UBAP2: variants seen among roughly 807,000 people sequenced by gnomAD.
UBAP2 encodes the protein ubiquitin associated protein 2, also known as ubiquitin-associated protein 2.
Under a neutral mutation model 139.6 loss-of-function variants are expected in UBAP2, and 75 were observed. The ratio of observed to expected loss-of-function variants is 0.54; its 90% confidence interval spans 0.45 to 0.65. UBAP2 has a LOEUF of 0.65. Among genes scored for constraint, UBAP2 ranks in the 30% least tolerant of loss-of-function variants. The pLI is 0.00. For missense variants in UBAP2, 1,368 were observed against 1,369.6 expected, an observed-to-expected ratio of 1.00 and a Z score of 0.02; for synonymous variants, 526 against 526.2, an observed-to-expected ratio of 1.00 and a Z score of 0.01.
rs183497245 is a variant in UBAP2 at position 33,962,934 on chromosome 9, G to T, written c.745+792C>A. On this transcript the variant is annotated intron_variant, in intron 9 of 28. Coordinates refer to ENST00000379238, the MANE Select transcript of UBAP2 (RefSeq NM_001370062.2). ...GTGGAGGTTGCAGTGAGCCGAGATC[G>T]CACCATTGCACTCCAGCCTGGGCAA... Among the ~76,000 whole-genome samples the T allele has an allele frequency of 4.0e-3, 595 of 150,506 alleles. 2 individuals are homozygous for T. The highest frequency in any genetic ancestry group is 0.014 in the African/African-American group (576 of 41,200).
At chr9:33,938,795 CAA>C (rs10577457) in intron 16 of UBAP2, 73,880 of 304,768 alleles carry the variant, frequency 0.24, 1,993 homozygotes, top group South Asian at 0.31. Flanking sequence ...GACTCCATCT[CAA>C]AAAAAAAAAA....
chr9:33,952,649 G>A (rs1464495984), intron 12 of UBAP2: 1 of 153,494 alleles, frequency 6.5e-6, no homozygotes, highest in East Asian at 1.9e-4. Flanking sequence ...ACTAACTATA[G>A]AGACATAATA....
chr9:34,011,327 A>G (rs1231383404), intron 2 of UBAP2, among the ~76,000 whole-genome samples: 1 of 152,162 alleles, frequency 6.6e-6, no homozygotes, highest in African/African-American at 2.4e-5. Flanking sequence ...TTTTCAGCTT[A>G]AGTATTATAT....
In UBAP2 at chr9:33,922,211, T is replaced by C; in HGVS notation, c.*293A>G. 1 of 397,736 alleles carries C rather than the reference T, an allele frequency of 2.5e-6. No homozygotes were observed. Among genetic ancestry groups the C allele is most frequent in the South Asian group, 2.6e-5 (1 of 38,268 alleles). 24.6% of individuals were successfully genotyped at this position (397,736 alleles called of 1,614,324 possible). ...GCTGTGAAGAAGACCTGAAGGCAGA[T>C]GGGGTGGGGGTGCTTATTTTGCTAC... On this transcript the variant is annotated 3_prime_UTR_variant, in exon 29 of 29. Transcript: ENST00000379238.
intron 13 of UBAP2, 149 bp from the exon 14 acceptor site, chr9:33,944,788 T>G: frequency 1.0e-6 from 1 of 953,666 alleles, no homozygotes; most frequent in Non-Finnish European, 1.5e-6. Context: ...ACACTTCATT[T>G]ATGATAAACG....
chr9:33,957,558 T>C (rs1826673170), intron 10 of UBAP2, among the ~76,000 whole-genome samples: 1 of 152,246 alleles, frequency 6.6e-6, no homozygotes, highest in Admixed American at 6.5e-5. Context: ...TATTTTGGGA[T>C]ATATGCACAC....
At chr9:33,935,473 C>T (rs1013583745) in intron 17 of UBAP2, 3 of 262,776 alleles carry the variant, frequency 1.1e-5, no homozygotes, top group Non-Finnish European at 2.2e-5. Flanking sequence ...CACCATGTTG[C>T]CCAGGGTGGT....
intron 4 of UBAP2, chr9:33,995,473 A>G (rs1218528442): frequency 7.2e-6 from 1 of 139,390 alleles, no homozygotes; most frequent in Non-Finnish European, 1.5e-5. Context: ...TATTAAATAT[A>G]TAAATATATT....
At position 33,941,704 on chromosome 9, in the gene UBAP2, C is replaced by T. The variant is rs117845042; in HGVS notation, c.1874G>A (p.Arg625Lys). The T allele has an allele frequency of 2.0e-3, 3,241 of 1,614,160 alleles. 70 individuals carry two copies. The Admixed American group carries it at 0.043, about 21-fold the overall frequency. The change falls in exon 16 of 29, where the codon AGG becomes AAG. Residue 625 changes from arginine to lysine, a missense_variant. Coordinates refer to ENST00000379238, the MANE Select transcript of UBAP2 (RefSeq NM_001370062.2). ...SSYDQSSVHNRIPYQSPVSSS... is the reference protein window; with the variant it reads ...SSYDQSSVHNKIPYQSPVSSS... Reference sequence around the variant, plus strand: ...ACTCACAGGGCTTTGGTATGGGATCCTGTTATGCACAGAACTCTGGTCATA... The same window carrying T: ...ACTCACAGGGCTTTGGTATGGGATCTTGTTATGCACAGAACTCTGGTCATA...
At chr9:33,923,068 G>T in intron 26 of UBAP2, 35 bp from the exon 27 acceptor site, 2 of 1,613,902 alleles carry the variant, frequency 1.2e-6, no homozygotes. Context: ...CACAGCAGTT[G>T]TTCCCAGCTC....
rs777870224 is a variant in UBAP2 at position 33,924,261 on chromosome 9, A to G, written c.2535T>C (p.Ala845=). The G allele has an allele frequency of 1.4e-5, 22 of 1,614,062 alleles. No individual in the cohort carries two copies. The Admixed American group carries it at 3.7e-4, about 27-fold the overall frequency. ...LPVDYYGIPF[A]APTALASRDG... The stretch of plus-strand genomic sequence containing the variant: ...CTCGGCTGGCAAGCGCTGTGGGTGC[A>G]GCAAAGGGAATTCCATAGTAGTCCT... The change falls in exon 23 of 29, where the codon GCT becomes GCC. Residue 845 remains alanine, a synonymous_variant. Coordinates refer to ENST00000379238, the MANE Select transcript of UBAP2 (RefSeq NM_001370062.2).
intron 1 of UBAP2, among the ~76,000 whole-genome samples, chr9:34,020,497 G>A (rs1239851245): frequency 6.7e-6 from 1 of 149,782 alleles, no homozygotes; most frequent in African/African-American, 2.5e-5. Flanking sequence ...GCTAATTTTT[G>A]GTATTTTTAG....
intron 19 of UBAP2, among the ~76,000 whole-genome samples, chr9:33,930,669 G>A (rs1162331977): frequency 6.6e-6 from 1 of 152,046 alleles, no homozygotes; most frequent in South Asian, 2.1e-4. Flanking sequence ...AGGCCGAGGC[G>A]GGTGGATTAC....
At chr9:34,041,481 A>AC (rs1827085564) in intron 1 of UBAP2, among the ~76,000 whole-genome samples, 1 of 150,268 alleles carries the variant, frequency 6.7e-6, no homozygotes. Flanking sequence ...AAAAAAAAAA[A>AC]CAAACAAGAG....
chr9:33,997,951 T>A (rs185493416), intron 3 of UBAP2: 1 of 152,320 alleles, frequency 6.6e-6, no homozygotes, highest in Admixed American at 6.5e-5. Context: ...AGGTAGCGGT[T>A]ACAGCTTGGT....
intron 19 of UBAP2, among the ~76,000 whole-genome samples, chr9:33,930,895 CAAAAAAAAAAAA>C (rs57202118): frequency 1.4e-5 from 1 of 73,252 alleles, no homozygotes; most frequent in Non-Finnish European, 2.5e-5. Flanking sequence ...GACTGCATCT[CAAAAAAAAAAAA>C]AAAAAAAAAA....
chr9:33,947,151 T>C (rs1825712873), intron 13 of UBAP2, among the ~76,000 whole-genome samples: 1 of 152,218 alleles, frequency 6.6e-6, no homozygotes, highest in Non-Finnish European at 1.5e-5. Context: ...CTTTGGGCAC[T>C]GAGTCTCTAA....
intron 21 of UBAP2, 122 bp downstream of exon 21, chr9:33,926,867 G>A (rs962151980): frequency 9.5e-7 from 1 of 1,051,426 alleles, no homozygotes; most frequent in Admixed American, 1.9e-5. Context: ...AGAGACGGGG[G>A]TGCTCAGGGA....
intron 10 of UBAP2, 67 bp from the exon 11 acceptor site, chr9:33,956,213 G>A (rs894978717): frequency 6.7e-6 from 8 of 1,189,798 alleles, no homozygotes; most frequent in Non-Finnish European, 1.0e-5. Flanking sequence ...CTGACTTCCT[G>A]ATCATTTGTA....
Sources: allele counts gnomAD v4.1 joint callset (sites outside exome capture counted in the v4.1 genomes callset), GRCh38; gene constraint gnomAD v4.1.1; transcripts MANE v1.5; gene names NCBI Gene and HGNC (gene_info 2026-07-23, HGNC 2026-07-21).